RAPGEF5: variants seen among roughly 807,000 people sequenced by gnomAD.
The protein encoded by RAPGEF5 is Rap guanine nucleotide exchange factor 5.
A neutral mutation model predicts 125.2 loss-of-function variants in RAPGEF5; 65 were observed. The observed-to-expected ratio is 0.52, with a 90% CI of 0.43 to 0.64. The LOEUF (loss-of-function observed/expected upper bound fraction) is 0.64, where lower values mean the gene tolerates loss of function less well. Ranked by LOEUF, RAPGEF5 falls within the 30% of genes least tolerant of loss-of-function variation. The probability of loss-of-function intolerance (pLI) is 0.00; values close to 1 mark genes in which losing one functional copy is unlikely to be tolerated. For synonymous variants in RAPGEF5, 391 were observed against 385.9 expected (o/e 1.01, Z -0.16); for missense variants, 958 against 1,048.1 (o/e 0.91, Z 1.19).
intron 11 of RAPGEF5, among the ~76,000 whole-genome samples, chr7:22,188,786 T>G (rs1318333980): frequency 2.8e-5 from 4 of 142,638 alleles, no homozygotes; most frequent in African/African-American, 1.0e-4. Flanking sequence ...AAAAAAAAAG[T>G]CACTAGGTTG....
intron 19 of RAPGEF5, among the ~76,000 whole-genome samples, chr7:22,145,969 T>C (rs747576710): frequency 1.4e-4 from 16 of 117,666 alleles, no homozygotes; most frequent in Non-Finnish European, 2.7e-4. Context: ...TTTGTGTGCG[T>C]GTGTGTGTGT....
At chr7:22,223,359 A>T (rs976358833) in intron 8 of RAPGEF5, among the ~76,000 whole-genome samples, 3 of 152,214 alleles carry the variant, frequency 2.0e-5, no homozygotes, top group Admixed American at 6.5e-5. Flanking sequence ...GTAATTGGTA[A>T]CTTTGAGTGG....
chr7:22,269,012 G>C (rs970819092), intron 6 of RAPGEF5, among the ~76,000 whole-genome samples: 7 of 152,048 alleles, frequency 4.6e-5, no homozygotes, highest in African/African-American at 1.7e-4. Context: ...GAACTTCACA[G>C]TTCAACTTAG....
chr7:22,130,315 G>A (rs1269078676), intron 24 of RAPGEF5, among the ~76,000 whole-genome samples: 2 of 152,158 alleles, frequency 1.3e-5, no homozygotes, highest in Non-Finnish European at 2.9e-5. Flanking sequence ...CTTTGCTCAA[G>A]GGCAAGTCAG....
chr7:22,311,998 G>A (rs1321337604), intron 3 of RAPGEF5, among the ~76,000 whole-genome samples: 1 of 152,184 alleles, frequency 6.6e-6, no homozygotes, highest in Non-Finnish European at 1.5e-5. Context: ...CCTGGACTAT[G>A]AAAGAACACA....
At position 22,332,306 on chromosome 7, in the gene RAPGEF5, T is replaced by G. The variant is rs1783938483; in HGVS notation, c.232-14269A>C. Among the ~76,000 whole-genome samples the G allele has an allele frequency of 4.6e-5, 7 of 152,334 alleles. No homozygotes were observed. In the South Asian group the frequency reaches 1.5e-3, roughly 32 times the overall value. ...GGGAGATTTAATGCCCTGTCAAACC[T>G]TCTTCATTTCAGTAAGGTTTTCAAT... On this transcript the variant is annotated intron_variant, in intron 1 of 25. Transcript: ENST00000665637.
chr7:22,220,340 C>T, intron 8 of RAPGEF5: 1 of 180,852 alleles, frequency 5.5e-6, no homozygotes, highest in East Asian at 1.4e-4. Context: ...AGGTTAAAAA[C>T]TCATGGGAAA....
chr7:22,179,689 C>A (rs539206598), intron 11 of RAPGEF5, among the ~76,000 whole-genome samples: 1 of 152,272 alleles, frequency 6.6e-6, no homozygotes, highest in South Asian at 2.1e-4. Context: ...CCAGCCAAAT[C>A]CCACCAAAAC....
intron 11 of RAPGEF5, among the ~76,000 whole-genome samples, chr7:22,171,058 GTAAT>G (rs1325252634): frequency 6.7e-6 from 1 of 150,098 alleles, no homozygotes; most frequent in Non-Finnish European, 1.5e-5. Context: ...GATTCTGAAA[GTAAT>G]TGAGTGGTAT....
At chr7:22,181,126 ACT>A (rs1784660093) in intron 11 of RAPGEF5, among the ~76,000 whole-genome samples, 1 of 152,156 alleles carries the variant, frequency 6.6e-6, no homozygotes, top group Admixed American at 6.5e-5. Flanking sequence ...TGAAAAGATC[ACT>A]CTGCTCTCTC....
chr7:22,176,385 C>G (rs1485579134), intron 11 of RAPGEF5, among the ~76,000 whole-genome samples: 3 of 152,096 alleles, frequency 2.0e-5, no homozygotes, highest in Admixed American at 6.5e-5. Flanking sequence ...TATTTTCTTC[C>G]AAGTTTAGCA....
chr7:22,325,111 C>T (rs147819025), intron 1 of RAPGEF5, among the ~76,000 whole-genome samples: 11 of 152,292 alleles, frequency 7.2e-5, no homozygotes, highest in Non-Finnish European at 1.6e-4. Flanking sequence ...CACACAAACG[C>T]TGCATGAAGT....
chr7:22,251,775 CAAAAAAA>C lies in RAPGEF5; in HGVS notation c.796+15182_796+15188del, dbSNP rs58681076. Among the ~76,000 whole-genome samples, 137 of 73,348 alleles carry C rather than the reference CAAAAAAA, an allele frequency of 1.9e-3. 1 individual carries two copies. In the East Asian group the frequency reaches 0.027, roughly 14 times the overall value. The allele number at this position is 73,348 out of a possible 152,430, so 48.1% of individuals were successfully genotyped here. A position where few individuals can be genotyped will look rare whatever the true frequency, so the allele number is the denominator to read the frequency against. On this transcript the variant is annotated intron_variant, in intron 7 of 25. Coordinates refer to ENST00000665637, the MANE Select transcript of RAPGEF5 (RefSeq NM_012294.5). ...GAGCCCTGCCAGGAAGTTTCATTGA[CAAAAAAA>C]AAAAAAAAAAAAAAAAAGTGGAGGT...
chr7:22,239,120 T>G (rs1055852206), intron 7 of RAPGEF5, among the ~76,000 whole-genome samples: 11 of 152,190 alleles, frequency 7.2e-5, no homozygotes, highest in Admixed American at 7.2e-4. Flanking sequence ...CAATGGAAGC[T>G]GGCTGCCTTT....
At chr7:22,272,446 C>A (rs17146488) in intron 6 of RAPGEF5, among the ~76,000 whole-genome samples, 1 of 151,164 alleles carries the variant, frequency 6.6e-6, no homozygotes, top group Non-Finnish European at 1.5e-5. Context: ...GTTACCAAAG[C>A]GTTGTCCTTA....
At chr7:22,344,375 C>T (rs1176389606) in intron 1 of RAPGEF5, among the ~76,000 whole-genome samples, 1 of 152,144 alleles carries the variant, frequency 6.6e-6, no homozygotes, top group Admixed American at 6.6e-5. Context: ...ACAAAGGGAC[C>T]AGTCATGACA....
intron 11 of RAPGEF5, among the ~76,000 whole-genome samples, chr7:22,171,425 T>C (rs541507447): frequency 6.6e-6 from 1 of 152,242 alleles, no homozygotes; most frequent in South Asian, 2.1e-4. Flanking sequence ...AAAGTATTCA[T>C]TTTGATTTCT....
intron 7 of RAPGEF5, among the ~76,000 whole-genome samples, chr7:22,263,361 A>G (rs1320814882): frequency 6.6e-6 from 1 of 152,258 alleles, no homozygotes; most frequent in African/African-American, 2.4e-5. Context: ...ATCTCAAAAG[A>G]GCACATATAA....
In RAPGEF5 at chr7:22,144,967, T is replaced by TAAGA. The variant is rs1269310526; in HGVS notation, c.2186+73_2186+76dup. On this transcript the variant is annotated intron_variant, in intron 20 of 25. Coordinates refer to ENST00000665637, the MANE Select transcript of RAPGEF5 (RefSeq NM_012294.5). ...GTTTATATCCCAACCCTTATCATCA[T>TAAGA]AAGAAAGAAAGAAAGAAGAACAATG... 14 of 1,476,310 alleles carry TAAGA rather than the reference T, an allele frequency of 9.5e-6. No individual in the cohort carries two copies. The South Asian group carries it at 1.3e-4, about 13-fold the overall frequency. The allele number at this position is 1,476,310 out of a possible 1,614,324, so 91.5% of individuals were successfully genotyped here. A position where few individuals can be genotyped will look rare whatever the true frequency, so the allele number is the denominator to read the frequency against.
Sources: allele counts gnomAD v4.1 joint callset (sites outside exome capture counted in the v4.1 genomes callset), GRCh38; gene constraint gnomAD v4.1.1; transcripts MANE v1.5; gene names NCBI Gene and HGNC (gene_info 2026-07-23, HGNC 2026-07-21).